SLC25A10: variants seen among roughly 807,000 people sequenced by gnomAD.
SLC25A10 encodes the protein solute carrier family 25 member 10.
In SLC25A10, 32 loss-of-function variants were observed where a neutral mutation model predicts 40.4. The observed-to-expected ratio is 0.79, with a 90% CI of 0.60 to 1.06. The LOEUF is 1.06. SLC25A10 is among the 50% of genes least tolerant of loss of function. The pLI is 0.00. For missense variants in SLC25A10, 394 were observed against 402.6 expected (o/e 0.98, Z 0.18); for synonymous variants, 181 against 171.1 (o/e 1.06, Z -0.45).
intron 1 of SLC25A10, chr17:81,713,560 G>T: frequency 1.1e-6 from 1 of 904,612 alleles, no homozygotes; most frequent in Non-Finnish European, 1.3e-6. Flanking sequence ...TCCTGGGAGA[G>T]GCCTTCAGAG....
chr17:81,720,757 C>T lies in SLC25A10; in HGVS notation c.*680C>T, dbSNP rs1322122459. ...CTTTAACAGTTAGTTTTGCCAAAGC[C>T]TCTCCACTCACCAGCAGGCGGTCTC... On this transcript the variant is annotated 3_prime_UTR_variant, in exon 11 of 11. Transcript: ENST00000350690. 8.4e-6 allele frequency: 3 copies of T among 359,096 alleles called. No individual in the cohort carries two copies. Among genetic ancestry groups the T allele is most frequent in the Non-Finnish European group, 1.5e-5 (3 of 200,948 alleles). The allele number at this position is 359,096 out of a possible 1,614,324, so 22.2% of individuals were successfully genotyped here.
intron 9 of SLC25A10, among the ~76,000 whole-genome samples, chr17:81,719,598 C>T (rs528497184): frequency 5.3e-5 from 8 of 152,334 alleles, no homozygotes; most frequent in Admixed American, 3.9e-4. Flanking sequence ...GCTGCACCCT[C>T]GGGCCCTGGT....
At chr17:81,715,408 C>A in intron 2 of SLC25A10, 70 bp from the exon 3 acceptor site, 4 of 1,366,016 alleles carry the variant, frequency 2.9e-6, no homozygotes, top group African/African-American at 1.4e-5. Context: ...GGATCCCTGG[C>A]TGGGCCGGGT....
chr17:81,720,716 G>A lies in SLC25A10; in HGVS notation c.*639G>A, dbSNP rs567380723. 9.9e-6 allele frequency: 4 copies of A among 402,968 alleles called. No individual in the cohort carries two copies. The highest frequency in any genetic ancestry group is 1.3e-4 in the South Asian group (1 of 7,412). The allele number at this position is 402,968 out of a possible 1,614,324, so 25.0% of individuals were successfully genotyped here. ...GGCCACCGAGGTCCCGCGCACCGCT[G>A]CCTGCCCTGCAGTGGCTTTAACAGT... On this transcript the variant is annotated 3_prime_UTR_variant, in exon 11 of 11. Transcript: ENST00000350690.
intron 1 of SLC25A10, chr17:81,713,128 C>T (rs931234871): frequency 2.0e-5 from 3 of 152,284 alleles, no homozygotes; most frequent in South Asian, 2.1e-4. Flanking sequence ...TGCCAGGAGA[C>T]CCTGCACGCG....
At chr17:81,712,561 C>A (rs62077193) in intron 1 of SLC25A10, 42 bp downstream of exon 1, 19,150 of 1,196,480 alleles carry the variant, frequency 0.016, 361 homozygotes, top group African/African-American at 0.085. Context: ...GGGACCCTGG[C>A]GCCGCCGAGA....
rs773565252 is a variant in SLC25A10 at position 81,720,046 on chromosome 17, G to A, written c.833G>A (p.Arg278His). 8.1e-6 allele frequency: 13 copies of A among 1,613,386 alleles called. No individual in the cohort carries two copies. Among genetic ancestry groups the A allele is most frequent in the Admixed American group, 1.7e-5 (1 of 60,006 alleles). The change falls in exon 11 of 11, where the codon CGC (arginine) becomes CAC (histidine). Residue 278 changes from arginine to histidine, a missense_variant. By Grantham distance (29) the Arg-to-His change is conservative. Transcript: ENST00000350690. Reference sequence around the variant, plus strand: ...ACTTTTGTGTTTCTGGAACAGCTACGCAAAAACTTTGGCATCAAAGTGCCA... The same window carrying A: ...ACTTTTGTGTTTCTGGAACAGCTACACAAAAACTTTGGCATCAAAGTGCCA... ...VLTFVFLEQL[R>H]KNFGIKVPS
rs540386953 is a variant in SLC25A10, at chr17:81,720,584, C to A, written c.*507C>A. On this transcript the variant is annotated 3_prime_UTR_variant, in exon 11 of 11. Coordinates refer to ENST00000350690, the MANE Select transcript of SLC25A10 (RefSeq NM_012140.5). ...GTCCTCGGGCAGCTGCAACTCCCCG[C>A]GAGACCCCGCAGCTGGGTGGGATGA... 69 of 1,186,196 alleles carry A rather than the reference C, an allele frequency of 5.8e-5. 1 individual carries two copies. In the South Asian group the frequency reaches 1.4e-3, roughly 24 times the overall value. 73.5% of individuals were successfully genotyped at this position (1,186,196 alleles called of 1,614,324 possible). A position where few individuals can be genotyped will look rare whatever the true frequency, so the allele number is the denominator to read the frequency against.
rs746284476 is a variant in SLC25A10 at position 81,717,024 on chromosome 17, G to T, written c.486G>T (p.Ser162=). Residue 162 remains serine (S), a synonymous_variant, in exon 7 of 11, where the codon TCG becomes TCT. Transcript: ENST00000350690. The part of the protein sequence containing the change: ...AREEGLRRLF[S]GATMASSRGA... ...CAGAGGGTCTCAGGAGACTGTTCTCGGGTGCAACCATGGCATCCAGCCGAG... is the reference window on the plus strand; with the variant it reads ...CAGAGGGTCTCAGGAGACTGTTCTCTGGTGCAACCATGGCATCCAGCCGAG... 1 of 1,613,742 alleles carries T rather than the reference G, an allele frequency of 6.2e-7. No individual in the cohort carries two copies. The highest frequency in any genetic ancestry group is 8.5e-7 in the Non-Finnish European group (1 of 1,179,944).
intron 6 of SLC25A10, 46 bp from the exon 7 acceptor site, chr17:81,716,956 G>T: frequency 1.4e-6 from 2 of 1,440,496 alleles, no homozygotes; most frequent in Non-Finnish European, 1.9e-6. Flanking sequence ...CAGGTGCCTG[G>T]CCTCACCCCT....
chr17:81,719,577 C>T (rs1225063686), intron 9 of SLC25A10, among the ~76,000 whole-genome samples: 4 of 152,258 alleles, frequency 2.6e-5, no homozygotes, highest in Non-Finnish European at 4.4e-5. Context: ...CCTCTGCCCA[C>T]TGGACCCCGG....
At chr17:81,712,707 T>G (rs1318777889) in intron 1 of SLC25A10, among the ~76,000 whole-genome samples, 188 bp downstream of exon 1, 2 of 152,172 alleles carry the variant, frequency 1.3e-5, no homozygotes, top group Non-Finnish European at 2.9e-5. Flanking sequence ...GCCGCCGAGC[T>G]CGAGGCCTGC....
At chr17:81,715,624 G>T in intron 3 of SLC25A10, 32 bp downstream of exon 3, 1 of 1,611,644 alleles carries the variant, frequency 6.2e-7, no homozygotes, top group African/African-American at 1.3e-5. Context: ...GGAGGGGCGC[G>T]GGGTGGTCAG....
At chr17:81,719,501 G>C (rs2037549651) in intron 9 of SLC25A10, among the ~76,000 whole-genome samples, 1 of 152,222 alleles carries the variant, frequency 6.6e-6, no homozygotes, top group African/African-American at 2.4e-5. Flanking sequence ...CCATAGCTCT[G>C]TCCCTTTTCT....
chr17:81,712,510 C>CCTG lies in SLC25A10; in HGVS notation c.87_89dup (p.Leu30dup). On this transcript the variant is annotated inframe_insertion, in exon 1 of 11. Coordinates refer to ENST00000350690, the MANE Select transcript of SLC25A10 (RefSeq NM_012140.5). ...CCGCCTGCTGCACGCACCCGCTGGA[C>CCTG]CTGCTCAAGGTGAGGCCGGGGCCCG... The CCTG allele has an allele frequency of 7.8e-6, 10 of 1,280,244 alleles. No individual in the cohort carries two copies. Among genetic ancestry groups the CCTG allele is most frequent in the Non-Finnish European group, 9.9e-6 (10 of 1,014,700 alleles). The allele number at this position is 1,280,244 out of a possible 1,614,324, so 79.3% of individuals were successfully genotyped here.
chr17:81,719,551 G>T (rs980095750), intron 9 of SLC25A10, among the ~76,000 whole-genome samples: 1 of 152,170 alleles, frequency 6.6e-6, no homozygotes, highest in African/African-American at 2.4e-5. Context: ...GATTCTCATG[G>T]TTCTGTTCAC....
At position 81,717,051 on chromosome 17, in the gene SLC25A10, G is replaced by A. The variant is rs753624708; in HGVS notation, c.513G>A (p.Gly171=). The A allele has an allele frequency of 3.7e-6, 6 of 1,613,698 alleles. No individual in the cohort carries two copies. In the Admixed American group the frequency reaches 6.7e-5, roughly 18 times the overall value. ...FSGATMASSR[G]ALVTVGQLSC... is the part of the protein sequence containing the mutation. Reference sequence around the variant, plus strand: ...GTGCAACCATGGCATCCAGCCGAGGGGCCTTAGTCACTGTGGGCCAGGTAG... The same window carrying A: ...GTGCAACCATGGCATCCAGCCGAGGAGCCTTAGTCACTGTGGGCCAGGTAG... Residue 171 remains glycine, a synonymous_variant, in exon 7 of 11, where the codon GGG becomes GGA. Coordinates refer to ENST00000350690, the MANE Select transcript of SLC25A10 (RefSeq NM_012140.5).
At position 81,720,986 on chromosome 17, in the gene SLC25A10, G is replaced by A. The variant is rs62077223; in HGVS notation, c.*909G>A. 291 of 154,044 alleles carry A rather than the reference G, an allele frequency of 1.9e-3. 1 individual carries two copies. Among genetic ancestry groups the A allele is most frequent in the Middle Eastern group, 3.3e-3 (1 of 300 alleles). The allele number at this position is 154,044 out of a possible 1,614,324, so 9.5% of individuals were successfully genotyped here. A position where few individuals can be genotyped will look rare whatever the true frequency, so the allele number is the denominator to read the frequency against. ...AAGGGCAGTGTGCTCTGTGGGGGCT[G>A]CAATCAATAAATGCCGGGAGCTGCC... On this transcript the variant is annotated 3_prime_UTR_variant, in exon 11 of 11. Coordinates refer to ENST00000350690, the MANE Select transcript of SLC25A10 (RefSeq NM_012140.5).
Position 81,717,454 on chromosome 17 carries a change from A to C in SLC25A10, c.590A>C (p.Asp197Ala). ...QLVLSTGYLS[D>A]NIFTHFVASF... Reference sequence around the variant, plus strand: ...GTCCTTAGCACCGGGTACCTCTCTGACAACATCTTCACTCACTTTGTCGCC... The same window carrying C: ...GTCCTTAGCACCGGGTACCTCTCTGCCAACATCTTCACTCACTTTGTCGCC... The change falls in exon 8 of 11, where the codon GAC (aspartate) becomes GCC (alanine). Residue 197 changes from aspartate to alanine, a missense_variant. By Grantham distance (126) the Asp-to-Ala change is moderately radical (BLOSUM62 -2). Coordinates refer to ENST00000350690, the MANE Select transcript of SLC25A10 (RefSeq NM_012140.5). The C allele has an allele frequency of 6.2e-7, 1 of 1,613,648 alleles. No homozygotes were observed. Among genetic ancestry groups the C allele is most frequent in the Non-Finnish European group, 8.5e-7 (1 of 1,179,908 alleles).
Sources: allele counts gnomAD v4.1 joint callset (sites outside exome capture counted in the v4.1 genomes callset), GRCh38; gene constraint gnomAD v4.1.1; transcripts MANE v1.5; gene names NCBI Gene and HGNC (gene_info 2026-07-23, HGNC 2026-07-21).